The following SPG11 variants were observed in gnomAD, a reference collection of about 807,000 sequenced individuals.
The protein encoded by SPG11 is SPG11 vesicle trafficking associated, spatacsin.
A neutral mutation model predicts 274.0 loss-of-function variants in SPG11; 222 were observed. The ratio of observed to expected loss-of-function variants is 0.81; its 90% CI spans 0.73 to 0.91. The LOEUF is 0.91. SPG11 is among the 40% of genes least tolerant of loss of function. The pLI, the probability that SPG11 is intolerant of heterozygous loss-of-function variation, is 0.00. For missense variants in SPG11, 3,114 were observed against 2,872.7 expected, an observed-to-expected ratio of 1.08 and a Z score of -1.92; for synonymous variants, 1,144 against 1,039.7, an observed-to-expected ratio of 1.10 and a Z score of -1.93.
chr15:44,613,494 T>C lies in SPG11; in HGVS notation c.3081A>G (p.Leu1027=), dbSNP rs777145573. Residue 1027 remains leucine (L), a synonymous_variant, in exon 17 of 40, where the codon TTA becomes TTG. Coordinates refer to ENST00000261866, the MANE Select transcript of SPG11 (RefSeq NM_025137.4). ...ENCPFLEKKE[L]HEAHPWFEFL... ...ATTCAAACCAAGGGTGTGCTTCATG[T>C]AACTCTTTTTTTTCCAAAAAGGGAC... 1.9e-6 allele frequency: 3 copies of C among 1,614,006 alleles called. No individual in the cohort carries two copies. The highest frequency in any genetic ancestry group is 2.5e-6 in the Non-Finnish European group (3 of 1,179,886).
chr15:44,587,081 C>T (rs2082782224), intron 28 of SPG11, among the ~76,000 whole-genome samples: 1 of 152,166 alleles, frequency 6.6e-6, no homozygotes, highest in South Asian at 2.1e-4. Flanking sequence ...GCCTATATTC[C>T]CAGAACTTTG....
Position 44,562,986 on chromosome 15 carries a change from A to T in SPG11, c.*135T>A. ...CTGAAAAGTTTCTTACTTGCTACCT[A>T]CTACCCACAAAGGACTGATATGGTA... On this transcript the variant is annotated 3_prime_UTR_variant, in exon 40 of 40. Coordinates refer to ENST00000261866, the MANE Select transcript of SPG11 (RefSeq NM_025137.4). 1.2e-6 allele frequency: 1 copy of T among 808,618 alleles called. No homozygotes were observed. Among genetic ancestry groups the T allele is most frequent in the Non-Finnish European group, 2.0e-6 (1 of 500,470 alleles). 50.1% of individuals were successfully genotyped at this position (808,618 alleles called of 1,614,324 possible). A position where few individuals can be genotyped will look rare whatever the true frequency, so the allele number is the denominator to read the frequency against.
rs912606733 is a variant in SPG11 at position 44,569,181 on chromosome 15, AAAAG to A, written c.6585+213_6585+216del. ...CTCCGTCTCAAAAAAAAAAAAAAGA[AAAAG>A]AAAAAAAAAATATATGGCATCAGCA... On this transcript the variant is annotated intron_variant, in intron 35 of 39. Coordinates refer to ENST00000261866, the MANE Select transcript of SPG11 (RefSeq NM_025137.4). 1.3e-4 allele frequency among the ~76,000 whole-genome samples: 19 copies of A among 145,292 alleles called. No individual in the cohort carries two copies. The East Asian group carries it at 1.9e-3, about 15-fold the overall frequency.
chr15:44,575,327 T>G (rs1193325634), intron 30 of SPG11: 1 of 386,498 alleles, frequency 2.6e-6, no homozygotes, highest in East Asian at 5.0e-5. Flanking sequence ...GAGTCTTCTC[T>G]ATATGTCCTC....
chr15:44,600,368 T>C, intron 21 of SPG11, 99 bp downstream of exon 21: 2 of 1,367,894 alleles, frequency 1.5e-6, no homozygotes, highest in Non-Finnish European at 2.1e-6. Flanking sequence ...CACTGCTTCC[T>C]TGAACTCCTG....
chr15:44,575,703 C>T (rs1004567242), intron 30 of SPG11, among the ~76,000 whole-genome samples: 1 of 152,030 alleles, frequency 6.6e-6, no homozygotes, highest in Non-Finnish European at 1.5e-5. Context: ...CCATGTTGAT[C>T]AGGCTGGTCT....
Position 44,629,176 on chromosome 15 carries a change from G to A in SPG11, c.1891+57C>T, listed in dbSNP as rs190362345. The A allele has an allele frequency of 3.1e-4, 496 of 1,575,426 alleles. 2 individuals are homozygous for A. The East Asian group carries it at 4.6e-3, about 15-fold the overall frequency. ...GCTGTGTCACCCAATAGCAGCACTT[G>A]TATCTGTTCTGACACAGGAACAGTA... On this transcript the variant is annotated intron_variant, in intron 9 of 39. Coordinates refer to ENST00000261866, the MANE Select transcript of SPG11 (RefSeq NM_025137.4).
chr15:44,571,411 T>C lies in SPG11; in HGVS notation c.6344-753A>G, dbSNP rs2082420503. Reference sequence around the variant, plus strand: ...CACCATATCCTAGATGCTTATAGTGTCTGGCACAAAGTTGGCACTCAGTAA... The same window carrying C: ...CACCATATCCTAGATGCTTATAGTGCCTGGCACAAAGTTGGCACTCAGTAA... On this transcript the variant is annotated intron_variant, in intron 33 of 39. Transcript: ENST00000261866. 2.0e-5 allele frequency among the ~76,000 whole-genome samples: 3 copies of C among 152,268 alleles called. No homozygotes were observed. The South Asian group carries it at 6.2e-4, about 32-fold the overall frequency.
At position 44,651,762 on chromosome 15, in the gene SPG11, T is replaced by C. The variant is rs2141106738; in HGVS notation, c.1185A>G (p.Gln395=). 6.2e-7 allele frequency: 1 copy of C among 1,614,234 alleles called. No individual in the cohort carries two copies. Among genetic ancestry groups the C allele is most frequent in the Non-Finnish European group, 8.5e-7 (1 of 1,180,036 alleles). ...CATGATCTTTCTGTAGAACATTATATTGCCCATGCATTATGTCCTGTGGAA... is the reference window on the plus strand; with the variant it reads ...CATGATCTTTCTGTAGAACATTATACTGCCCATGCATTATGTCCTGTGGAA... ...AFIPQDIMHG[Q]YNVLQKDHAK... The change falls in exon 6 of 40, where the codon CAA becomes CAG. Residue 395 remains glutamine (Q), a synonymous_variant. Transcript: ENST00000261866.
At position 44,563,129 on chromosome 15, in the gene SPG11, C is replaced by G. The variant is rs765644977; in HGVS notation, c.7324G>C (p.Ala2442Pro). The G allele has an allele frequency of 9.3e-6, 15 of 1,613,804 alleles. No homozygotes were observed. The highest frequency in any genetic ancestry group is 1.3e-5 in the Non-Finnish European group (15 of 1,179,884). Reference protein sequence around the residue: ...QTGCCLKDMLAG With the variant: ...QTGCCLKDMLPG Reference sequence around the variant, plus strand: ...GACACCTATGAAATCATCTAACCTGCTAGCATGTCCTTTAGACAGCAACCT... The same window carrying G: ...GACACCTATGAAATCATCTAACCTGGTAGCATGTCCTTTAGACAGCAACCT... Residue 2442 changes from alanine (A) to proline (P), a missense_variant, in exon 40 of 40, where the codon GCA becomes CCA. By Grantham distance (27) the Ala-to-Pro change is conservative (BLOSUM62 -1). Coordinates refer to ENST00000261866, the MANE Select transcript of SPG11 (RefSeq NM_025137.4).
In SPG11 at chr15:44,651,564, C is replaced by A. The variant is rs932177370; in HGVS notation, c.1383G>T (p.Gln461His). ...TACACTTTGTGCCAAGGGAAAAACA[C>A]TGCATGCCCTGGGTCTCCAAATCCC... ...TLWDLETQGM[Q>H]CFSLGTKCIP... The change falls in exon 6 of 40, where the codon CAG (glutamine) becomes CAT (histidine). Residue 461 changes from glutamine (Q) to histidine (H), a missense_variant. Coordinates refer to ENST00000261866, the MANE Select transcript of SPG11 (RefSeq NM_025137.4). 3.1e-6 allele frequency: 5 copies of A among 1,614,076 alleles called. No individual in the cohort carries two copies. Among genetic ancestry groups the A allele is most frequent in the Non-Finnish European group, 1.7e-6 (2 of 1,180,028 alleles).
chr15:44,567,611 A>G lies in SPG11; in HGVS notation c.6586-19T>C. The G allele has an allele frequency of 6.2e-7, 1 of 1,613,746 alleles. No homozygotes were observed. The highest frequency in any genetic ancestry group is 8.5e-7 in the Non-Finnish European group (1 of 1,179,782). ...TACCACTCTGCCCAGAATAAAAGGG[A>G]AAAAGCAAGGTGTCAGTCAGGGACT... On this transcript the variant is annotated intron_variant, in intron 35 of 39. Coordinates refer to ENST00000261866, the MANE Select transcript of SPG11 (RefSeq NM_025137.4).
chr15:44,658,344 A>AT (rs2084999166), intron 3 of SPG11, among the ~76,000 whole-genome samples: 1 of 152,184 alleles, frequency 6.6e-6, no homozygotes, highest in Admixed American at 6.5e-5. Flanking sequence ...AACCCATAAT[A>AT]TTTTCTAAGA....
rs749964630 is a variant in SPG11 at position 44,660,599 on chromosome 15, G to T, written c.275C>A (p.Ser92Tyr). The part of the protein sequence containing the change: ...GPFWHFLWED[S>Y]RNSSTPTEKP... ...TTCAGTTGGTGTGCTGCTGTTACGA[G>T]AATCCTCCCATAGAAAGCTAAGAAA... Residue 92 changes from serine to tyrosine, a missense_variant, in exon 2 of 40, where the codon TCT (serine) becomes TAT (tyrosine). Transcript: ENST00000261866. 1.9e-6 allele frequency: 3 copies of T among 1,613,922 alleles called. No individual in the cohort carries two copies. Among genetic ancestry groups the T allele is most frequent in the Non-Finnish European group, 2.5e-6 (3 of 1,180,006 alleles).
In SPG11 at chr15:44,626,345, G is replaced by C; in HGVS notation, c.2230C>G (p.Leu744Val). The change falls in exon 11 of 40, where the codon CTT becomes GTT. Residue 744 changes from leucine (L) to valine (V), a missense_variant. Physicochemically the swap from Leu to Val is conservative, Grantham distance 32. Transcript: ENST00000261866. ...ACACCACTCACCATATTCTTCAAAA[G>C]TTCAGAGGCTTCCTTTATATTGTTC... Reference protein sequence around the residue: ...KKNNIKEASELLKNMGFDVKG... With the variant: ...KKNNIKEASEVLKNMGFDVKG... 1 of 1,612,120 alleles carries C rather than the reference G, an allele frequency of 6.2e-7. No homozygotes were observed. The highest frequency in any genetic ancestry group is 8.5e-7 in the Non-Finnish European group (1 of 1,179,580).
At chr15:44,639,998 C>A (rs1009165086) in intron 7 of SPG11, among the ~76,000 whole-genome samples, 2 of 152,078 alleles carry the variant, frequency 1.3e-5, no homozygotes, top group African/African-American at 4.8e-5. Flanking sequence ...ATTATGAGGT[C>A]AAGAGATCGA....
chr15:44,643,515 T>C (rs2084515231), intron 7 of SPG11, among the ~76,000 whole-genome samples: 1 of 152,128 alleles, frequency 6.6e-6, no homozygotes, highest in Non-Finnish European at 1.5e-5. Flanking sequence ...TCCTCCTTCA[T>C]GCCATATAAG....
At chr15:44,647,819 A>C (rs1223614992) in intron 7 of SPG11, among the ~76,000 whole-genome samples, 1 of 152,230 alleles carries the variant, frequency 6.6e-6, no homozygotes, top group African/African-American at 2.4e-5. Flanking sequence ...AAAATGTTCT[A>C]GAATTAGTGG....
intron 30 of SPG11, among the ~76,000 whole-genome samples, chr15:44,583,404 G>A (rs1296268841): frequency 6.6e-6 from 1 of 152,106 alleles, no homozygotes; most frequent in Non-Finnish European, 1.5e-5. Context: ...GTTGCAGTGA[G>A]CTGAGACCAC....
Sources: gnomAD v4.1 joint callset for allele counts (sites outside exome capture counted in the v4.1 genomes callset) on GRCh38, gnomAD v4.1.1 for gene constraint, MANE v1.5 for transcripts, NCBI Gene and HGNC (gene_info 2026-07-23, HGNC 2026-07-21) for gene names.